The following LRP1B variants were observed in gnomAD, a reference collection of about 807,000 sequenced individuals.
LRP1B encodes LDL receptor related protein 1B, also known as low-density lipoprotein receptor-related protein 1B.
A neutral mutation model predicts 556.6 loss-of-function variants in LRP1B; 217 were observed. The ratio of observed to expected loss-of-function variants is 0.39; its 90% CI spans 0.35 to 0.44. LRP1B has a LOEUF of 0.44. LRP1B is among the 20% of genes least tolerant of loss of function. LRP1B has a pLI of 1.00. For missense variants in LRP1B, 5,053 were observed against 5,620.8 expected (o/e 0.90, Z 3.23); for synonymous variants, 2,047 against 1,865.8 (o/e 1.10, Z -2.50).
intron 60 of LRP1B, among the ~76,000 whole-genome samples, chr2:140,459,192 G>C (rs1687218579): frequency 6.6e-6 from 1 of 152,040 alleles, no homozygotes; most frequent in African/African-American, 2.4e-5. Flanking sequence ...AATTATGTGT[G>C]AGCTATTTAT....
At chr2:140,800,095 G>A (rs1409037504) in intron 32 of LRP1B, among the ~76,000 whole-genome samples, 1 of 152,186 alleles carries the variant, frequency 6.6e-6, no homozygotes, top group Non-Finnish European at 1.5e-5. Flanking sequence ...CATGTCCTTT[G>A]TAGGGACATG....
chr2:142,061,623 T>C (rs2104893308), intron 1 of LRP1B, among the ~76,000 whole-genome samples: 1 of 152,094 alleles, frequency 6.6e-6, no homozygotes, highest in East Asian at 1.9e-4. Context: ...CAGGGTTCCC[T>C]GTGTGATATA....
intron 87 of LRP1B, among the ~76,000 whole-genome samples, chr2:140,239,872 T>C (rs982577197): frequency 6.6e-6 from 1 of 150,980 alleles, no homozygotes; most frequent in Non-Finnish European, 1.5e-5. Flanking sequence ...TCTTTTTAAA[T>C]CAACTAAGAC....
At chr2:141,096,687 A>AGGGG (rs1700330322) in intron 7 of LRP1B, among the ~76,000 whole-genome samples, 1 of 117,580 alleles carries the variant, frequency 8.5e-6, no homozygotes, top group Non-Finnish European at 1.8e-5. Context: ...AGAGAGAGAG[A>AGGGG]GAGAAAATAA....
intron 20 of LRP1B, among the ~76,000 whole-genome samples, chr2:140,940,378 G>C (rs1390947025): frequency 1.3e-5 from 2 of 152,120 alleles, no homozygotes; most frequent in African/African-American, 4.8e-5. Context: ...TGTCAACAAT[G>C]AGATGAGATT....
chr2:140,912,717 T>C (rs1694458901), intron 21 of LRP1B, among the ~76,000 whole-genome samples: 1 of 151,586 alleles, frequency 6.6e-6, no homozygotes, highest in Non-Finnish European at 1.5e-5. Flanking sequence ...AATAGATAAG[T>C]AACAACAATA....
chr2:140,657,753 T>A (rs528042080), intron 41 of LRP1B, among the ~76,000 whole-genome samples: 2 of 151,720 alleles, frequency 1.3e-5, no homozygotes, highest in African/African-American at 4.8e-5. Flanking sequence ...TTTAATGTAC[T>A]CATGATGTGT....
At chr2:140,630,477 C>A (rs1683838704) in intron 41 of LRP1B, among the ~76,000 whole-genome samples, 2 of 152,110 alleles carry the variant, frequency 1.3e-5, no homozygotes, top group Non-Finnish European at 2.9e-5. Flanking sequence ...GATCAGCTCA[C>A]CAGGAGAACA....
chr2:140,602,149 T>C (rs1413161800), intron 41 of LRP1B, among the ~76,000 whole-genome samples: 4 of 151,930 alleles, frequency 2.6e-5, no homozygotes, highest in Non-Finnish European at 5.9e-5. Context: ...CAGTGGTAGA[T>C]AATGTTTTAA....
chr2:140,331,895 C>A (rs1680837435), intron 79 of LRP1B, among the ~76,000 whole-genome samples: 1 of 151,748 alleles, frequency 6.6e-6, no homozygotes, highest in Non-Finnish European at 1.5e-5. Flanking sequence ...CAGGGTTTTG[C>A]CATGTTGGGC....
intron 3 of LRP1B, among the ~76,000 whole-genome samples, chr2:141,446,769 G>C (rs528589421): frequency 6.6e-6 from 1 of 152,110 alleles, no homozygotes; most frequent in Non-Finnish European, 1.5e-5. Context: ...GGGTTTCTGC[G>C]GAGAGAGACC....
chr2:141,927,404 C>T (rs1019525567), intron 1 of LRP1B, among the ~76,000 whole-genome samples: 2 of 151,976 alleles, frequency 1.3e-5, no homozygotes, highest in African/African-American at 4.8e-5. Flanking sequence ...TTTTAATTTA[C>T]TTTTCTTCAT....
Position 141,156,606 on chromosome 2 carries a change from C to T in LRP1B, c.1013+31815G>A, listed in dbSNP as rs572378997. On this transcript the variant is annotated intron_variant, in intron 7 of 90. Transcript: ENST00000389484. ...TCACATCATTGCACTCCATCCCGGG[C>T]GACAGGGCTATCTCAGAAAAAAAAA... is the stretch of plus-strand genomic sequence containing the variant. Among the ~76,000 whole-genome samples, 75 of 148,538 alleles carry T rather than the reference C, an allele frequency of 5.0e-4. No homozygotes were observed. In the Middle Eastern group the frequency reaches 0.014, roughly 28 times the overall value.
intron 32 of LRP1B, among the ~76,000 whole-genome samples, chr2:140,796,097 AC>A (rs1330863355): frequency 6.6e-6 from 1 of 152,044 alleles, no homozygotes; most frequent in Non-Finnish European, 1.5e-5. Context: ...CTATGTACAT[AC>A]ACACATTTTC....
chr2:142,049,087 C>CTA (rs918006992), intron 1 of LRP1B, among the ~76,000 whole-genome samples: 3 of 151,936 alleles, frequency 2.0e-5, no homozygotes, highest in Non-Finnish European at 2.9e-5. Flanking sequence ...TATGAAGCTA[C>CTA]TATATTCAAG....
At chr2:140,527,828 G>T (rs1205702809) in intron 47 of LRP1B, among the ~76,000 whole-genome samples, 3 of 151,406 alleles carry the variant, frequency 2.0e-5, no homozygotes. Context: ...TTTGTTTTTG[G>T]CTTCACTGTC....
chr2:140,869,846 C>T (rs868218390), intron 25 of LRP1B, among the ~76,000 whole-genome samples: 6 of 152,072 alleles, frequency 3.9e-5, no homozygotes, highest in Middle Eastern at 3.4e-3. Context: ...TAAAATTTAA[C>T]GTTGATGGGT....
chr2:141,803,229 T>A (rs74431840), intron 2 of LRP1B, among the ~76,000 whole-genome samples: 35 of 147,748 alleles, frequency 2.4e-4, no homozygotes, highest in Admixed American at 1.4e-4. Context: ...TTTTTTTTTT[T>A]AATTGTAGAG....
intron 32 of LRP1B, among the ~76,000 whole-genome samples, chr2:140,794,280 A>G (rs938724249): frequency 6.6e-6 from 1 of 152,194 alleles, no homozygotes; most frequent in African/African-American, 2.4e-5. Flanking sequence ...ATGTGAATAC[A>G]TAGGTAATTA....
Sources: allele counts gnomAD v4.1 joint callset (sites outside exome capture counted in the v4.1 genomes callset), GRCh38; gene constraint gnomAD v4.1.1; transcripts MANE v1.5; gene names NCBI Gene and HGNC (gene_info 2026-07-23, HGNC 2026-07-21).